LAP3: variants seen among roughly 807,000 people sequenced by gnomAD.
LAP3 encodes leucine aminopeptidase 3.
LAP3 carries 46 observed loss-of-function variants against 58.8 expected under a neutral mutation model. The observed-to-expected ratio is 0.78, with a 90% CI of 0.62 to 1.00. The LOEUF is 1.00. LAP3 is among the 50% of genes least tolerant of loss of function. LAP3 has a pLI of 0.00. For synonymous variants in LAP3, 257 were observed against 237.7 expected, an observed-to-expected ratio of 1.08 and a Z score of -0.75; for missense variants, 615 against 659.1, an observed-to-expected ratio of 0.93 and a Z score of 0.73.
intron 11 of LAP3, among the ~76,000 whole-genome samples, chr4:17,605,684 C>T (rs1222260441): frequency 6.6e-6 from 1 of 152,166 alleles, no homozygotes; most frequent in Non-Finnish European, 1.5e-5. Context: ...TTCTGCAATA[C>T]TCAGCCCCAT....
Position 17,577,362 on chromosome 4 carries a change from CG to C in LAP3, c.-103del. 1 of 837,438 alleles carries C rather than the reference CG, an allele frequency of 1.2e-6. No homozygotes were observed. The highest frequency in any genetic ancestry group is 2.0e-5 in the South Asian group (1 of 49,422). The allele number at this position is 837,438 out of a possible 1,614,324, so 51.9% of individuals were successfully genotyped here. ...CGCTCGCCCGGCGCCCGAGCCAGTC[CG>C]CGCGCACGCCGTCTGCGCCCCGAAA... On this transcript the variant is annotated 5_prime_UTR_variant, in exon 1 of 13. Transcript: ENST00000226299.
At chr4:17,603,497 C>G (rs1174452883) in intron 10 of LAP3, among the ~76,000 whole-genome samples, 1 of 130,282 alleles carries the variant, frequency 7.7e-6, no homozygotes, top group African/African-American at 2.9e-5. Flanking sequence ...ATCTCTACAG[C>G]AAGAAATCTT....
intron 2 of LAP3, 37 bp from the exon 3 acceptor site, chr4:17,581,723 A>G: frequency 6.3e-7 from 1 of 1,581,576 alleles, no homozygotes; most frequent in South Asian, 1.1e-5. Context: ...ACCGAGCAAA[A>G]TACTTGTTTT....
intron 7 of LAP3, among the ~76,000 whole-genome samples, chr4:17,592,629 C>T (rs1381127658): frequency 3.9e-5 from 6 of 152,178 alleles, no homozygotes; most frequent in Admixed American, 2.6e-4. Context: ...TAAGAAACTA[C>T]CAAACTTTTC....
Position 17,588,874 on chromosome 4 carries a change from G to A in LAP3, c.760G>A (p.Gly254Arg). The A allele has an allele frequency of 6.2e-7, 1 of 1,614,146 alleles. No individual in the cohort carries two copies. The highest frequency in any genetic ancestry group is 8.5e-7 in the Non-Finnish European group (1 of 1,180,028). Reference sequence around the variant, plus strand: ...GGGATCATTCCTCAGTGTGGCCAAAGGATCTGACGAGCCCCCAGTCTTCTT... The same window carrying A: ...GGGATCATTCCTCAGTGTGGCCAAAAGATCTGACGAGCCCCCAGTCTTCTT... ...AMGSFLSVAKGSDEPPVFLEI... is the reference protein window; with the variant it reads ...AMGSFLSVAKRSDEPPVFLEI... Residue 254 changes from glycine to arginine, a missense_variant, in exon 7 of 13, where the codon GGA becomes AGA. Gly to Arg is a moderately radical substitution (Grantham distance 125). Transcript: ENST00000226299.
In LAP3 at chr4:17,582,215, C is replaced by A. The variant is rs1436920852; in HGVS notation, c.274-73C>A. 14 of 1,200,330 alleles carry A rather than the reference C, an allele frequency of 1.2e-5. No homozygotes were observed. In the African/African-American group the frequency reaches 1.5e-4, roughly 13 times the overall value. The allele number at this position is 1,200,330 out of a possible 1,614,324, so 74.4% of individuals were successfully genotyped here. On this transcript the variant is annotated intron_variant, in intron 3 of 12. Coordinates refer to ENST00000226299, the MANE Select transcript of LAP3 (RefSeq NM_015907.3). ...TGTGTGGGAGCTCAGTGAGTCTCCA[C>A]ATGTAGAATTCCTTGCTGGAAATGA...
chr4:17,583,743 C>G, intron 5 of LAP3, 101 bp downstream of exon 5: 1 of 1,326,194 alleles, frequency 7.5e-7, no homozygotes, highest in Non-Finnish European at 1.1e-6. Context: ...CCCACAGCTG[C>G]GTGGCTTGGC....
In LAP3 at chr4:17,577,372, C is replaced by G. The variant is rs1713224768; in HGVS notation, c.-94C>G. ...GCGCCCGAGCCAGTCCGCGCGCACG[C>G]CGTCTGCGCCCCGAAAGCCCCGCCC... is the stretch of plus-strand genomic sequence containing the variant. On this transcript the variant is annotated 5_prime_UTR_variant, in exon 1 of 13. Transcript: ENST00000226299. 1.5e-5 allele frequency: 14 copies of G among 939,938 alleles called. No homozygotes were observed. Among genetic ancestry groups the G allele is most frequent in the Non-Finnish European group, 2.1e-5 (14 of 668,610 alleles). The allele number at this position is 939,938 out of a possible 1,614,324, so 58.2% of individuals were successfully genotyped here.
intron 6 of LAP3, among the ~76,000 whole-genome samples, chr4:17,588,263 A>G (rs1468841567): frequency 6.6e-6 from 1 of 150,940 alleles, no homozygotes; most frequent in African/African-American, 2.4e-5. Flanking sequence ...TCAAATTTCT[A>G]TCCTCAAGTG....
At chr4:17,594,868 T>C (rs984968205) in intron 7 of LAP3, among the ~76,000 whole-genome samples, 5 of 152,258 alleles carry the variant, frequency 3.3e-5, no homozygotes, top group East Asian at 1.9e-4. Flanking sequence ...GTTGATCAAT[T>C]CATAAAATTT....
chr4:17,602,406 AG>A (rs1714003352), intron 10 of LAP3, among the ~76,000 whole-genome samples: 1 of 152,234 alleles, frequency 6.6e-6, no homozygotes, highest in African/African-American at 2.4e-5. Context: ...TCTCTTCTCA[AG>A]AGGACCTGCA....
chr4:17,600,836 G>T (rs991782327), intron 10 of LAP3, among the ~76,000 whole-genome samples: 6 of 152,172 alleles, frequency 3.9e-5, no homozygotes, highest in African/African-American at 1.4e-4. Context: ...ACTTTTAATA[G>T]CACGTTAAAA....
intron 4 of LAP3, among the ~76,000 whole-genome samples, chr4:17,582,947 G>A (rs538807788): frequency 6.6e-6 from 1 of 152,198 alleles, no homozygotes; most frequent in African/African-American, 2.4e-5. Context: ...TAATTGGCTT[G>A]ATTACTATTT....
At chr4:17,606,266 T>C (rs951726897) in intron 11 of LAP3, among the ~76,000 whole-genome samples, 1 of 152,212 alleles carries the variant, frequency 6.6e-6, no homozygotes, top group Non-Finnish European at 1.5e-5. Context: ...TAATTGTAGT[T>C]TGATGATTTT....
chr4:17,604,245 C>T lies in LAP3; in HGVS notation c.1181-343C>T, dbSNP rs185550189. 1.1e-3 allele frequency among the ~76,000 whole-genome samples: 153 copies of T among 136,806 alleles called. 1 individual carries two copies. Among genetic ancestry groups the T allele is most frequent in the African/African-American group, 3.9e-3 (137 of 35,336 alleles). The allele number at this position is 136,806 out of a possible 152,430, so 89.8% of individuals were successfully genotyped here. A position where few individuals can be genotyped will look rare whatever the true frequency, so the allele number is the denominator to read the frequency against. On this transcript the variant is annotated intron_variant, in intron 10 of 12. Coordinates refer to ENST00000226299, the MANE Select transcript of LAP3 (RefSeq NM_015907.3). ...GAGCTCTGATCATACCACTACACTG[C>T]AGCCTGGGTGAGTGAGACCTTTCTC...
chr4:17,602,148 G>A (rs1713995967), intron 10 of LAP3, among the ~76,000 whole-genome samples: 1 of 152,178 alleles, frequency 6.6e-6, no homozygotes, highest in African/African-American at 2.4e-5. Context: ...TGTGTGTCCT[G>A]GTACTGATGG....
intron 6 of LAP3, among the ~76,000 whole-genome samples, chr4:17,588,596 A>G (rs6449315): frequency 0.72 from 109,152 of 152,140 alleles, 39,896 homozygotes; most frequent in East Asian, 0.93. Context: ...TGATGGAAGA[A>G]TTACAGACCT....
In LAP3 at chr4:17,582,307, T is replaced by C. The variant is rs373156017; in HGVS notation, c.293T>C (p.Leu98Pro). The C allele has an allele frequency of 1.1e-5, 17 of 1,613,974 alleles. No homozygotes were observed. Among genetic ancestry groups the C allele is most frequent in the Non-Finnish European group, 1.4e-5 (17 of 1,179,970 alleles). Residue 98 changes from leucine (L) to proline (P), a missense_variant, in exon 4 of 13, where the codon CTA becomes CCA. Leu to Pro is a moderately conservative substitution (Grantham distance 98). Coordinates refer to ENST00000226299, the MANE Select transcript of LAP3 (RefSeq NM_015907.3). ...GLHQDFPSVV[L>P]VGLGKKAAGI... ...GGACAGGACTTCCCCAGCGTGGTGCTAGTTGGCCTCGGCAAAAAGGCAGCT... is the reference window on the plus strand; with the variant it reads ...GGACAGGACTTCCCCAGCGTGGTGCCAGTTGGCCTCGGCAAAAAGGCAGCT...
At chr4:17,587,317 G>A (rs934914629) in intron 6 of LAP3, 5 of 152,250 alleles carry the variant, frequency 3.3e-5, no homozygotes, top group Non-Finnish European at 5.9e-5. Flanking sequence ...TTGTAGGTCA[G>A]TGTATATCAG....
Sources: gnomAD v4.1 joint callset for allele counts (sites outside exome capture counted in the v4.1 genomes callset) on GRCh38, gnomAD v4.1.1 for gene constraint, MANE v1.5 for transcripts, NCBI Gene and HGNC (gene_info 2026-07-23, HGNC 2026-07-21) for gene names.